Variants in SAMD12 observed in about 807,000 individuals in gnomAD.
SAMD12 encodes the protein sterile alpha motif domain-containing protein 12.
Under a neutral mutation model 15.0 loss-of-function variants are expected in SAMD12, and 9 were observed. The observed-to-expected ratio is 0.60, with a 90% CI of 0.36 to 1.05. SAMD12 has a LOEUF of 1.05. Ranked by LOEUF, SAMD12 falls within the 50% of genes least tolerant of loss-of-function variation. SAMD12 has a pLI of 0.01. For synonymous variants in SAMD12, 86 were observed against 90.1 expected, an observed-to-expected ratio of 0.96 and a Z score of 0.25; for missense variants, 230 against 234.2, an observed-to-expected ratio of 0.98 and a Z score of 0.12.
intron 4 of SAMD12, among the ~76,000 whole-genome samples, chr8:118,213,137 C>G (rs955183490): frequency 3.1e-4 from 47 of 152,172 alleles, no homozygotes; most frequent in African/African-American, 1.1e-3. Context: ...CATGAATGAT[C>G]TCCATATCCT....
chr8:118,294,637 CAGA>C (rs1165323807), intron 4 of SAMD12, among the ~76,000 whole-genome samples: 3 of 152,134 alleles, frequency 2.0e-5, no homozygotes, highest in Non-Finnish European at 4.4e-5. Context: ...TTAGTAAAAG[CAGA>C]AGGATGAAAA....
intron 4 of SAMD12, chr8:118,291,308 A>C (rs1198006242): frequency 2.6e-5 from 4 of 152,192 alleles, no homozygotes; most frequent in African/African-American, 4.8e-5. Flanking sequence ...GAGAGGGAGA[A>C]CTGGTGGATG....
intron 3 of SAMD12, among the ~76,000 whole-genome samples, chr8:118,389,486 T>G (rs1037713552): frequency 6.6e-6 from 1 of 152,160 alleles, no homozygotes; most frequent in Non-Finnish European, 1.5e-5. Context: ...GGCAGATCAC[T>G]TGAGGTCAGG....
intron 4 of SAMD12, among the ~76,000 whole-genome samples, chr8:118,268,878 C>T (rs1343992700): frequency 6.6e-6 from 1 of 152,164 alleles, no homozygotes; most frequent in Admixed American, 6.6e-5. Flanking sequence ...GGAAGTCTCT[C>T]CTGGAGCCTT....
intron 2 of SAMD12, among the ~76,000 whole-genome samples, chr8:118,463,919 T>C (rs571947771): frequency 6.6e-6 from 1 of 152,128 alleles, no homozygotes; most frequent in Non-Finnish European, 1.5e-5. Context: ...GGGCCTTAAT[T>C]AGATTACTGG....
chr8:118,186,129 T>C (rs1446159137), downstream of SAMD12, among the ~76,000 whole-genome samples: 1 of 152,192 alleles, frequency 6.6e-6, no homozygotes, highest in African/African-American at 2.4e-5. Context: ...GCCTTTAATG[T>C]GCTAATAGGC....
chr8:118,621,487 G>A, intron 1 of SAMD12: 3 of 423,954 alleles, frequency 7.1e-6, no homozygotes, highest in Non-Finnish European at 1.3e-5. Context: ...AGGGCATCTC[G>A]GGGCCAAAAC....
intron 2 of SAMD12, among the ~76,000 whole-genome samples, chr8:118,476,047 C>T (rs1189018255): frequency 6.6e-6 from 1 of 152,118 alleles, no homozygotes; most frequent in Non-Finnish European, 1.5e-5. Context: ...ACATGGTATC[C>T]TAAATACCAT....
At chr8:118,514,658 C>A (rs1392913892) in intron 2 of SAMD12, among the ~76,000 whole-genome samples, 1 of 152,144 alleles carries the variant, frequency 6.6e-6, no homozygotes, top group Non-Finnish European at 1.5e-5. Flanking sequence ...TAAATAGAGA[C>A]AATTATAGGT....
At chr8:118,501,565 A>C (rs918121130) in intron 2 of SAMD12, among the ~76,000 whole-genome samples, 1 of 152,192 alleles carries the variant, frequency 6.6e-6, no homozygotes, top group Non-Finnish European at 1.5e-5. Context: ...CAGCCCTCTG[A>C]GTGGCATTTG....
intron 2 of SAMD12, among the ~76,000 whole-genome samples, chr8:118,488,325 G>C (rs972947419): frequency 1.3e-5 from 2 of 152,092 alleles, no homozygotes; most frequent in Non-Finnish European, 2.9e-5. Flanking sequence ...TCTCCAAAGA[G>C]ACTCAGAACC....
intron 1 of SAMD12, among the ~76,000 whole-genome samples, chr8:118,605,997 A>G (rs1464546543): frequency 2.0e-5 from 3 of 151,958 alleles, no homozygotes; most frequent in South Asian, 2.1e-4. Context: ...AATACAAAAG[A>G]CTTTCATGCC....
At chr8:118,422,475 T>C (rs1487457470) in intron 3 of SAMD12, among the ~76,000 whole-genome samples, 4 of 152,126 alleles carry the variant, frequency 2.6e-5, no homozygotes, top group African/African-American at 7.2e-5. Context: ...CACCTGAAAA[T>C]GACCAAAAGT....
At chr8:118,616,493 G>A (rs1017622404) in intron 1 of SAMD12, among the ~76,000 whole-genome samples, 2 of 152,352 alleles carry the variant, frequency 1.3e-5, no homozygotes, top group East Asian at 3.9e-4. Flanking sequence ...ACAGAGGCAG[G>A]ACAGAGCTTC....
At chr8:118,413,500 C>A (rs542182577) in intron 3 of SAMD12, among the ~76,000 whole-genome samples, 2 of 152,190 alleles carry the variant, frequency 1.3e-5, no homozygotes, top group Non-Finnish European at 2.9e-5. Context: ...AATTCTGCAA[C>A]CTTAGAATCA....
chr8:118,522,157 A>AACAC (rs71292173), intron 2 of SAMD12, among the ~76,000 whole-genome samples: 4 of 70,028 alleles, frequency 5.7e-5, no homozygotes, highest in South Asian at 5.1e-4. Flanking sequence ...GATTCAGTGA[A>AACAC]ACACACACAC....
chr8:118,405,470 C>T (rs564102103), intron 3 of SAMD12, among the ~76,000 whole-genome samples: 82 of 152,208 alleles, frequency 5.4e-4, no homozygotes, highest in Non-Finnish European at 8.8e-4. Context: ...AAAGCAAAAG[C>T]GATCTACAGT....
chr8:118,381,437 A>G (rs1819664183), intron 3 of SAMD12, among the ~76,000 whole-genome samples: 2 of 152,178 alleles, frequency 1.3e-5, no homozygotes, highest in South Asian at 4.1e-4. Flanking sequence ...TCATCTCTGG[A>G]ACCTGTTAAT....
intron 1 of SAMD12, among the ~76,000 whole-genome samples, chr8:118,593,101 T>G (rs923444342): frequency 3.3e-5 from 5 of 152,204 alleles, no homozygotes; most frequent in Admixed American, 3.3e-4. Context: ...CTTGTTGCAC[T>G]TGATCTTCAC....
Sources: gnomAD v4.1 joint callset for allele counts (sites outside exome capture counted in the v4.1 genomes callset) on GRCh38, gnomAD v4.1.1 for gene constraint, MANE v1.5 for transcripts, NCBI Gene and HGNC (gene_info 2026-07-23, HGNC 2026-07-21) for gene names.